The following FAT4 variants were observed in gnomAD, a reference collection of about 807,000 sequenced individuals.
FAT4 encodes the protein FAT atypical cadherin 4, also known as protocadherin Fat 4.
A neutral mutation model predicts 303.9 loss-of-function variants in FAT4; 84 were observed. That is an observed-to-expected ratio of 0.28 (90% CI 0.23 to 0.33). The LOEUF (loss-of-function observed/expected upper bound fraction) is 0.33, where lower values mean the gene tolerates loss of function less well. Among genes scored for constraint, FAT4 ranks in the 10% least tolerant of loss-of-function variants. The pLI, the probability that FAT4 is intolerant of heterozygous loss-of-function variation, is 1.00. For missense variants in FAT4, 6,005 were observed against 6,146.8 expected, an observed-to-expected ratio of 0.98 and a Z score of 0.77; for synonymous variants, 2,307 against 2,298.8, an observed-to-expected ratio of 1.00 and a Z score of -0.10.
In FAT4 at chr4:125,407,171, G is replaced by A. The variant is rs756115495; in HGVS notation, c.5569+30G>A. On this transcript the variant is annotated intron_variant, in intron 4 of 17. Transcript: ENST00000394329. ...GTGATGGGTCTCTTATGTGTATTTT[G>A]CAAGAATCGCTTTTGAACCAAAATT... is the stretch of plus-strand genomic sequence containing the variant. 3 of 1,574,348 alleles carry A rather than the reference G, an allele frequency of 1.9e-6. No individual in the cohort carries two copies. The East Asian group carries it at 6.8e-5, about 36-fold the overall frequency.
rs373572441 is a variant in FAT4, at chr4:125,405,851, C to A, written c.5308-1029C>A. 1.9e-4 allele frequency among the ~76,000 whole-genome samples: 29 copies of A among 152,104 alleles called. 1 individual carries two copies. Among genetic ancestry groups the A allele is most frequent in the African/African-American group, 6.7e-4 (28 of 41,508 alleles). ...CTTTTAAAGAAACATCTATATAAGA[C>A]CTTAACCATTTTTTTATTGGATTAC... On this transcript the variant is annotated intron_variant, in intron 3 of 17. Coordinates refer to ENST00000394329, the MANE Select transcript of FAT4 (RefSeq NM_001291303.3).
chr4:125,382,625 C>G (rs912894112), intron 2 of FAT4, among the ~76,000 whole-genome samples: 1 of 152,078 alleles, frequency 6.6e-6, no homozygotes, highest in Non-Finnish European at 1.5e-5. Context: ...GGTAAAAGAT[C>G]AGTGGCTTCA....
intron 2 of FAT4, among the ~76,000 whole-genome samples, chr4:125,324,846 A>T (rs1416582785): frequency 6.6e-6 from 1 of 152,120 alleles, no homozygotes; most frequent in Non-Finnish European, 1.5e-5. Flanking sequence ...AATATTTGTT[A>T]ATTCATTTTA....
At chr4:125,434,957 A>G (rs1725403817) in intron 8 of FAT4, among the ~76,000 whole-genome samples, 1 of 152,348 alleles carries the variant, frequency 6.6e-6, no homozygotes, top group African/African-American at 2.4e-5. Context: ...GGTCAGACTC[A>G]GATGTGCCAT....
chr4:125,406,035 C>G (rs1184893259), intron 3 of FAT4, among the ~76,000 whole-genome samples: 2 of 152,050 alleles, frequency 1.3e-5, no homozygotes, highest in African/African-American at 4.8e-5. Context: ...GATATACTTT[C>G]ACTTGTCTGC....
chr4:125,439,633 C>T (rs1225390072), intron 8 of FAT4, among the ~76,000 whole-genome samples: 2 of 152,112 alleles, frequency 1.3e-5, no homozygotes, highest in African/African-American at 4.8e-5. Context: ...GCCACCGCGC[C>T]CCGGCCAGGA....
intron 5 of FAT4, among the ~76,000 whole-genome samples, chr4:125,409,006 G>T (rs892404769): frequency 3.3e-5 from 5 of 152,014 alleles, no homozygotes. Context: ...AACATACCTT[G>T]TATTGTTTTA....
intron 10 of FAT4, among the ~76,000 whole-genome samples, chr4:125,463,143 ATAAGT>A (rs1232463613): frequency 1.3e-5 from 2 of 151,846 alleles, no homozygotes; most frequent in East Asian, 1.9e-4. Context: ...GATAAATAAG[ATAAGT>A]TATTATCTTT....
intron 2 of FAT4, among the ~76,000 whole-genome samples, chr4:125,345,443 G>A (rs1323588087): frequency 1.4e-5 from 2 of 147,858 alleles, no homozygotes; most frequent in African/African-American, 4.9e-5. Context: ...TTCTAAAGAA[G>A]TATTGAAAAA....
intron 7 of FAT4, among the ~76,000 whole-genome samples, chr4:125,422,570 C>T (rs1724939682): frequency 6.6e-6 from 1 of 152,136 alleles, no homozygotes; most frequent in African/African-American, 2.4e-5. Context: ...GATTGCTTCC[C>T]CCTCCGCTGT....
At chr4:125,461,771 A>T (rs1476660292) in intron 10 of FAT4, among the ~76,000 whole-genome samples, 1 of 151,954 alleles carries the variant, frequency 6.6e-6, no homozygotes, top group Non-Finnish European at 1.5e-5. Context: ...TATGGCCAGT[A>T]GACCTTATGT....
At chr4:125,456,927 A>C (rs1023520229) in intron 10 of FAT4, among the ~76,000 whole-genome samples, 7 of 152,096 alleles carry the variant, frequency 4.6e-5, no homozygotes, top group African/African-American at 1.4e-4. Context: ...TCACTTCTTC[A>C]AGGTCTGTAT....
intron 8 of FAT4, among the ~76,000 whole-genome samples, chr4:125,436,217 C>T (rs951214753): frequency 3.0e-4 from 45 of 150,990 alleles, no homozygotes; most frequent in African/African-American, 9.8e-4. Flanking sequence ...AGAAATTGGA[C>T]GTGAGATCAA....
rs1367926636 is a variant in FAT4, at chr4:125,448,983, A to G, written c.7973A>G (p.Asp2658Gly). 2 of 1,613,808 alleles carry G rather than the reference A, an allele frequency of 1.2e-6. No homozygotes were observed. Among genetic ancestry groups the G allele is most frequent in the African/African-American group, 2.7e-5 (2 of 74,912 alleles). The change falls in exon 10 of 18, where the codon GAT (aspartate) becomes GGT (glycine). Residue 2658 changes from aspartate (D) to glycine (G), a missense_variant. Transcript: ENST00000394329. Reference protein sequence around the residue: ...FPPFSSYEKLDITVLDVNDNA... With the variant: ...FPPFSSYEKLGITVLDVNDNA... ...CCTTTCTCCTCTTACGAGAAACTTG[A>G]TATAACAGTATTAGATGTCAATGAT...
chr4:125,395,315 T>G (rs913135069), intron 2 of FAT4, among the ~76,000 whole-genome samples: 14 of 152,144 alleles, frequency 9.2e-5, no homozygotes, highest in African/African-American at 3.4e-4. Context: ...ACTTTTCTTT[T>G]TTATTCTTTT....
intron 3 of FAT4, among the ~76,000 whole-genome samples, chr4:125,400,099 A>G (rs1734326491): frequency 6.6e-6 from 1 of 151,992 alleles, no homozygotes; most frequent in African/African-American, 2.4e-5. Flanking sequence ...ATTGACATCA[A>G]ATAATTGAAA....
intron 2 of FAT4, among the ~76,000 whole-genome samples, chr4:125,343,491 G>T (rs1365032376): frequency 6.7e-6 from 1 of 149,718 alleles, no homozygotes; most frequent in Admixed American, 6.6e-5. Flanking sequence ...CATTTGCTAA[G>T]AAGAAAAAAA....
At chr4:125,487,847 G>C (rs115337303) in intron 17 of FAT4, among the ~76,000 whole-genome samples, 1 of 152,060 alleles carries the variant, frequency 6.6e-6, no homozygotes, top group Non-Finnish European at 1.5e-5. Context: ...CCACTTTCTC[G>C]AGAGCTTGCA....
At chr4:125,437,918 G>A (rs1156277613) in intron 8 of FAT4, among the ~76,000 whole-genome samples, 1 of 152,116 alleles carries the variant, frequency 6.6e-6, no homozygotes, top group Non-Finnish European at 1.5e-5. Flanking sequence ...ATTTAAGTGA[G>A]CTGGTTAGAA....
Sources: gnomAD v4.1 joint callset for allele counts (sites outside exome capture counted in the v4.1 genomes callset) on GRCh38, gnomAD v4.1.1 for gene constraint, MANE v1.5 for transcripts, NCBI Gene and HGNC (gene_info 2026-07-23, HGNC 2026-07-21) for gene names.